METTL2A: variants seen among roughly 807,000 people sequenced by gnomAD.
METTL2A encodes the protein tRNA N(3)-cytidine methyltransferase METTL2A.
Under a neutral mutation model 49.4 loss-of-function variants are expected in METTL2A, and 45 were observed. The ratio of observed to expected loss-of-function variants is 0.91; its 90% CI spans 0.72 to 1.17. The LOEUF (loss-of-function observed/expected upper bound fraction) is 1.17. Among genes scored for constraint, METTL2A ranks in the 50% most tolerant of loss-of-function variants. The pLI, the probability that METTL2A is intolerant of heterozygous loss-of-function variation, is 0.00. For missense variants in METTL2A, 361 were observed against 462.2 expected (o/e 0.78, Z 2.01); for synonymous variants, 118 against 167.5 (o/e 0.70, Z 2.28).
chr17:62,428,611 A>G (rs1185512882), intron 4 of METTL2A, among the ~76,000 whole-genome samples: 1 of 152,192 alleles, frequency 6.6e-6, no homozygotes, highest in Non-Finnish European at 1.5e-5. Context: ...ACTCAGGGAA[A>G]CACTTTACTT....
intron 8 of METTL2A, 28 bp downstream of exon 8, chr17:62,447,794 A>G (rs371258586): frequency 1.6e-5 from 26 of 1,613,078 alleles, no homozygotes; most frequent in South Asian, 3.3e-5. Flanking sequence ...TTTTACACTA[A>G]AAGTCCCCAG....
Position 62,444,705 on chromosome 17 carries a change from GT to G in METTL2A, c.810-131del. On this transcript the variant is annotated intron_variant, in intron 6 of 8. Coordinates refer to ENST00000311506, the MANE Select transcript of METTL2A (RefSeq NM_181725.4). ...TCCTTCAGTTCTAACTGAAGCAAGA[GT>G]AGAGGAGCTTAGATCTCAGACTTGG... 8 of 810,394 alleles carry G rather than the reference GT, an allele frequency of 9.9e-6. No individual in the cohort carries two copies. In the South Asian group the frequency reaches 1.3e-4, roughly 13 times the overall value. The allele number at this position is 810,394 out of a possible 1,614,324, so 50.2% of individuals were successfully genotyped here. A position where few individuals can be genotyped will look rare whatever the true frequency, so the allele number is the denominator to read the frequency against.
intron 5 of METTL2A, among the ~76,000 whole-genome samples, chr17:62,440,054 T>C (rs2070728569): frequency 6.6e-6 from 1 of 151,612 alleles, no homozygotes; most frequent in Non-Finnish European, 1.5e-5. Context: ...AGATGGAGTT[T>C]CACTCTTGTT....
At chr17:62,442,914 C>T (rs2070746636) in intron 6 of METTL2A, among the ~76,000 whole-genome samples, 1 of 152,178 alleles carries the variant, frequency 6.6e-6, no homozygotes, top group Non-Finnish European at 1.5e-5. Context: ...TCCAAGGACC[C>T]CTCACTGGCT....
At chr17:62,438,607 A>G (rs1473518150) in intron 5 of METTL2A, among the ~76,000 whole-genome samples, 2 of 151,726 alleles carry the variant, frequency 1.3e-5, no homozygotes, top group East Asian at 3.9e-4. Context: ...GTCTGTCACA[A>G]TTATGTACAA....
In METTL2A at chr17:62,451,464, A is replaced by T. The variant is rs1424852946; in HGVS notation, c.*2735A>T. On this transcript the variant is annotated 3_prime_UTR_variant, in exon 9 of 9. Coordinates refer to ENST00000311506, the MANE Select transcript of METTL2A (RefSeq NM_181725.4). ...CGCCCGGCCAAGACCCTGACTTTTTAAAAAATGTTAAAAATAGGCCGGGTG... is the reference window on the plus strand; with the variant it reads ...CGCCCGGCCAAGACCCTGACTTTTTTAAAAATGTTAAAAATAGGCCGGGTG... Among the ~76,000 whole-genome samples, 1 of 146,550 alleles carries T rather than the reference A, an allele frequency of 6.8e-6. No individual in the cohort carries two copies. The highest frequency in any genetic ancestry group is 1.5e-5 in the Non-Finnish European group (1 of 66,394).
intron 5 of METTL2A, among the ~76,000 whole-genome samples, chr17:62,440,386 T>C (rs948958085): frequency 6.6e-6 from 1 of 152,082 alleles, no homozygotes; most frequent in Non-Finnish European, 1.5e-5. Context: ...TGATTAGAAA[T>C]ATATCCCCTA....
chr17:62,432,750 G>A (rs1329967521), intron 4 of METTL2A, among the ~76,000 whole-genome samples: 3 of 151,838 alleles, frequency 2.0e-5, no homozygotes, highest in Non-Finnish European at 4.4e-5. Flanking sequence ...TGCAGTGAGC[G>A]GAGATTGCAC....
intron 5 of METTL2A, among the ~76,000 whole-genome samples, chr17:62,436,239 C>T (rs2070699517): frequency 6.6e-6 from 1 of 151,920 alleles, no homozygotes; most frequent in Admixed American, 6.6e-5. Context: ...GAGACTCCAT[C>T]TCAAAAAAAT....
rs947950236 is a variant in METTL2A at position 62,453,310 on chromosome 17, G to C, written c.*4581G>C. On this transcript the variant is annotated 3_prime_UTR_variant, in exon 9 of 9. Transcript: ENST00000311506. ...TCAGAATCGCTAATGATGGGCAGAG[G>C]ACTGTTACATTTGTTGGGAGGGATT... Among the ~76,000 whole-genome samples the C allele has an allele frequency of 4.6e-5, 7 of 152,174 alleles. No individual in the cohort carries two copies. Among genetic ancestry groups the C allele is most frequent in the African/African-American group, 1.7e-4 (7 of 41,440 alleles).
At chr17:62,445,687 C>T (rs2070763762) in intron 7 of METTL2A, among the ~76,000 whole-genome samples, 1 of 151,910 alleles carries the variant, frequency 6.6e-6, no homozygotes, top group African/African-American at 2.4e-5. Context: ...ATCCCAGCTA[C>T]TCGGGAGGCT....
chr17:62,439,228 A>C (rs2070721705), intron 5 of METTL2A, among the ~76,000 whole-genome samples: 1 of 151,040 alleles, frequency 6.6e-6, no homozygotes, highest in Non-Finnish European at 1.5e-5. Context: ...TAATCCTCCC[A>C]CCTCGACCTC....
At chr17:62,434,673 G>A (rs2070689068) in intron 4 of METTL2A, among the ~76,000 whole-genome samples, 1 of 152,228 alleles carries the variant, frequency 6.6e-6, no homozygotes. Context: ...ACTTGTGCTA[G>A]ATAGTGAGGA....
intron 6 of METTL2A, 83 bp downstream of exon 6, chr17:62,440,839 C>G: frequency 6.5e-7 from 1 of 1,532,436 alleles, no homozygotes; most frequent in South Asian, 1.3e-5. Flanking sequence ...GGTTCTTGCT[C>G]TGTCAGCCCA....
chr17:62,438,077 G>A (rs1042284390), intron 5 of METTL2A, among the ~76,000 whole-genome samples: 11 of 151,986 alleles, frequency 7.2e-5, no homozygotes, highest in African/African-American at 2.7e-4. Flanking sequence ...AGACCAGCCT[G>A]GCCAACATGG....
chr17:62,433,173 C>T (rs1204483954), intron 4 of METTL2A, among the ~76,000 whole-genome samples: 1 of 152,150 alleles, frequency 6.6e-6, no homozygotes, highest in African/African-American at 2.4e-5. Context: ...GTGGCTCACT[C>T]TTGTAATCCC....
chr17:62,427,855 G>A lies in METTL2A; in HGVS notation c.608+18G>A, dbSNP rs767038643. On this transcript the variant is annotated intron_variant, in intron 4 of 8. Coordinates refer to ENST00000311506, the MANE Select transcript of METTL2A (RefSeq NM_181725.4). ...ACGAACAAGTAAGTATGTTGTAAAA[G>A]TTTATGATAGCAAAGAAGATAAAAG... is the stretch of plus-strand genomic sequence containing the variant. The A allele has an allele frequency of 1.3e-6, 2 of 1,599,200 alleles. No homozygotes were observed. Among genetic ancestry groups the A allele is most frequent in the Non-Finnish European group, 1.7e-6 (2 of 1,172,778 alleles).
chr17:62,424,422 G>C (rs1220166031), intron 2 of METTL2A, 112 bp downstream of exon 2: 1 of 1,467,144 alleles, frequency 6.8e-7, no homozygotes, highest in Non-Finnish European at 9.3e-7. Flanking sequence ...CTGGCCTGAT[G>C]CAGATCTCAG....
rs544229449 is a variant in METTL2A, at chr17:62,443,925, G to A, written c.810-912G>A. ...TTAAATAGACTTTGAAATTTTTTTG[G>A]TGAAGTTTGTAGCATTTAGACTTCT... is the stretch of plus-strand genomic sequence containing the variant. On this transcript the variant is annotated intron_variant, in intron 6 of 8. Transcript: ENST00000311506. 3.3e-5 allele frequency among the ~76,000 whole-genome samples: 5 copies of A among 152,040 alleles called. No homozygotes were observed. In the East Asian group the frequency reaches 9.7e-4, roughly 29 times the overall value.
Sources: allele counts gnomAD v4.1 joint callset (sites outside exome capture counted in the v4.1 genomes callset), GRCh38; gene constraint gnomAD v4.1.1; transcripts MANE v1.5; gene names NCBI Gene and HGNC (gene_info 2026-07-23, HGNC 2026-07-21).